KCNQ1: variants seen among roughly 807,000 people sequenced by gnomAD.
The protein encoded by KCNQ1 is potassium voltage-gated channel subfamily Q member 1.
A neutral mutation model predicts 72.4 loss-of-function variants in KCNQ1; 49 were observed. The observed-to-expected ratio is 0.68, with a 90% CI of 0.54 to 0.86. The LOEUF (loss-of-function observed/expected upper bound fraction) is 0.86, where lower values mean the gene tolerates loss of function less well. KCNQ1 is among the 40% of genes least tolerant of loss of function. KCNQ1 has a pLI of 0.00. For synonymous variants in KCNQ1, 450 were observed against 412.6 expected (o/e 1.09, Z -1.10); for missense variants, 790 against 945.1 (o/e 0.84, Z 2.15).
At chr11:2,728,941 G>A (rs549745077) in intron 11 of KCNQ1, among the ~76,000 whole-genome samples, 3 of 152,368 alleles carry the variant, frequency 2.0e-5, no homozygotes, top group Admixed American at 6.5e-5. Flanking sequence ...GGCAGATAGC[G>A]GGGTGATTAA....
chr11:2,643,063 ATACT>A (rs1051714752), intron 10 of KCNQ1: 4 of 397,918 alleles, frequency 1.0e-5, no homozygotes, highest in Non-Finnish European at 1.8e-5. Flanking sequence ...ATTTAAAATC[ATACT>A]TAGTGTCCTA....
intron 8 of KCNQ1, among the ~76,000 whole-genome samples, chr11:2,586,742 C>T (rs1848597603): frequency 6.6e-6 from 1 of 152,112 alleles, no homozygotes; most frequent in Non-Finnish European, 1.5e-5. Context: ...GCAGGTGCCC[C>T]TCGCCAGCTG....
intron 11 of KCNQ1, chr11:2,699,383 C>G (rs1850733538): frequency 5.0e-6 from 2 of 400,472 alleles, no homozygotes; most frequent in East Asian, 3.6e-5. Flanking sequence ...CCGTGCTGAC[C>G]GTGTTCAAAC....
At chr11:2,747,023 A>G (rs1342106430) in intron 11 of KCNQ1, among the ~76,000 whole-genome samples, 3 of 152,220 alleles carry the variant, frequency 2.0e-5, no homozygotes, top group Non-Finnish European at 2.9e-5. Context: ...GAATCCACAC[A>G]TGGCCCTTCT....
rs1848832960 is a variant in KCNQ1, at chr11:2,603,311, G to T, written c.1393+14457G>T. Among the ~76,000 whole-genome samples the T allele has an allele frequency of 6.6e-6, 1 of 152,150 alleles. No individual in the cohort carries two copies. Among genetic ancestry groups the T allele is most frequent in the Non-Finnish European group, 1.5e-5 (1 of 68,026 alleles). ...TTTATTGCTAAAAAATGCTGACCCAGAATGAAGTGAGCACATGTTGTTGGA... is the reference window on the plus strand; with the variant it reads ...TTTATTGCTAAAAAATGCTGACCCATAATGAAGTGAGCACATGTTGTTGGA... On this transcript the variant is annotated intron_variant, in intron 10 of 15. Coordinates refer to ENST00000155840, the MANE Select transcript of KCNQ1 (RefSeq NM_000218.3). This position sits in a 1 kb window ranked among gnomAD's most constrained non-coding sequence, Gnocchi z 4.1.
At chr11:2,555,769 G>A (rs1482730262) in intron 2 of KCNQ1, among the ~76,000 whole-genome samples, 2 of 152,214 alleles carry the variant, frequency 1.3e-5, no homozygotes, top group Non-Finnish European at 2.9e-5. Context: ...GGCCTGGAGT[G>A]CCTCCACTGG....
rs1036236109 is a variant in KCNQ1, at chr11:2,652,276, C to T, written c.1394-9685C>T. ...TTAAACATTCTGAGAACATCTGCAC[C>T]GGTTTCCAAGGCTTCTCCCTCACTA... On this transcript the variant is annotated intron_variant, in intron 10 of 15. Coordinates refer to ENST00000155840, the MANE Select transcript of KCNQ1 (RefSeq NM_000218.3). The surrounding 1 kb of genome is among the most constrained non-coding windows in gnomAD (Gnocchi z 5.9). 7.5e-6 allele frequency: 3 copies of T among 398,508 alleles called. No individual in the cohort carries two copies. The highest frequency in any genetic ancestry group is 7.1e-5 in the East Asian group (2 of 28,088). The allele number at this position is 398,508 out of a possible 1,614,324, so 24.7% of individuals were successfully genotyped here.
rs1363767151 is a variant in KCNQ1, at chr11:2,816,805, C to G, written c.1795-30962C>G. On this transcript the variant is annotated intron_variant, in intron 15 of 15. Transcript: ENST00000155840. This position sits in a 1 kb window ranked among gnomAD's most constrained non-coding sequence, Gnocchi z 6.8. ...CCCTGCTCAGGAGGCCTTCCCTGAG[C>G]CCCTGCCCCCTCCATTTCAGACATC... Among the ~76,000 whole-genome samples, 1 of 152,032 alleles carries G rather than the reference C, an allele frequency of 6.6e-6. No individual in the cohort carries two copies. The highest frequency in any genetic ancestry group is 1.5e-5 in the Non-Finnish European group (1 of 67,966).
Position 2,682,466 on chromosome 11 carries a change from AAT to A in KCNQ1, c.1514+20386_1514+20387del. 2.6e-6 allele frequency: 1 copy of A among 381,052 alleles called. No individual in the cohort carries two copies. The highest frequency in any genetic ancestry group is 3.7e-5 in the East Asian group (1 of 27,132). 23.6% of individuals were successfully genotyped at this position (381,052 alleles called of 1,614,324 possible). A position where few individuals can be genotyped will look rare whatever the true frequency, so the allele number is the denominator to read the frequency against. ...TGGAGCCTGTCACGGACCCTCAGTGAATGTTTGACGAGTGAGTGAGTGAGTGA... is the reference window on the plus strand; with the variant it reads ...TGGAGCCTGTCACGGACCCTCAGTGAGTTTGACGAGTGAGTGAGTGAGTGA... On this transcript the variant is annotated intron_variant, in intron 11 of 15. Transcript: ENST00000155840. This position sits in a 1 kb window ranked among gnomAD's most constrained non-coding sequence, Gnocchi z 5.8.
chr11:2,633,222 A>G (rs1221923073), intron 10 of KCNQ1: 2 of 398,376 alleles, frequency 5.0e-6, no homozygotes, highest in Non-Finnish European at 4.4e-6. Context: ...GCACATTTCT[A>G]AATCAGATAA....
chr11:2,669,920 T>C lies in KCNQ1; in HGVS notation c.1514+7839T>C. On this transcript the variant is annotated intron_variant, in intron 11 of 15. Transcript: ENST00000155840. This position sits in a 1 kb window ranked among gnomAD's most constrained non-coding sequence, Gnocchi z 5.6. ...GCCTAGAGGCCTGAGAGTCCCAAGC[T>C]CCAGGACAGTCTGGAGTCAGGTGGA... 2.5e-6 allele frequency: 1 copy of C among 398,508 alleles called. No individual in the cohort carries two copies. The highest frequency in any genetic ancestry group is 4.4e-6 in the Non-Finnish European group (1 of 226,086). The allele number at this position is 398,508 out of a possible 1,614,324, so 24.7% of individuals were successfully genotyped here.
rs1846525925 is a variant in KCNQ1 at position 2,473,656 on chromosome 11, G to T, written c.386+28172G>T. Among the ~76,000 whole-genome samples the T allele has an allele frequency of 6.6e-6, 1 of 152,210 alleles. No homozygotes were observed. The highest frequency in any genetic ancestry group is 1.9e-4 in the East Asian group (1 of 5,188). On this transcript the variant is annotated intron_variant, in intron 1 of 15. Transcript: ENST00000155840. The surrounding 1 kb of genome is among the most constrained non-coding windows in gnomAD (Gnocchi z 6.0). ...ACTCTGGAGGGACTGGGCCTCAGTT[G>T]GCCTGGCCTGGCGCGGGGCTGCCAG... is the stretch of plus-strand genomic sequence containing the variant.
intron 11 of KCNQ1, among the ~76,000 whole-genome samples, chr11:2,754,466 A>T (rs1310488627): frequency 1.3e-5 from 2 of 152,258 alleles, no homozygotes; most frequent in Non-Finnish European, 2.9e-5. Context: ...TGCCTTCCAG[A>T]TATCAGGATG....
chr11:2,606,158 T>C (rs1848875205), intron 10 of KCNQ1, among the ~76,000 whole-genome samples: 1 of 152,242 alleles, frequency 6.6e-6, no homozygotes, highest in Admixed American at 6.5e-5. Flanking sequence ...GTTTTCTTAA[T>C]TATATTTTCA....
At chr11:2,689,609 G>A (rs1055388085) in intron 11 of KCNQ1, 2 of 398,568 alleles carry the variant, frequency 5.0e-6, no homozygotes, top group African/African-American at 4.1e-5. Context: ...TCAAGGATCC[G>A]GGTATTTTAG....
chr11:2,716,241 C>G (rs1320730302), intron 11 of KCNQ1, among the ~76,000 whole-genome samples: 2 of 152,164 alleles, frequency 1.3e-5, no homozygotes, highest in Non-Finnish European at 2.9e-5. Context: ...TCAAGCGGTC[C>G]TCTCACTAGG....
At position 2,657,769 on chromosome 11, in the gene KCNQ1, A is replaced by C. The variant is rs1337210705; in HGVS notation, c.1394-4192A>C. ...GGCTTCTCAGTCTTGTTCTTCATTA[A>C]CTTGACACTTTTGAAGAATACCAGT... is the stretch of plus-strand genomic sequence containing the variant. On this transcript the variant is annotated intron_variant, in intron 10 of 15. Transcript: ENST00000155840. This position sits in a 1 kb window ranked among gnomAD's most constrained non-coding sequence, Gnocchi z 4.8. 1 of 398,442 alleles carries C rather than the reference A, an allele frequency of 2.5e-6. No individual in the cohort carries two copies. Among genetic ancestry groups the C allele is most frequent in the Non-Finnish European group, 4.4e-6 (1 of 226,064 alleles). The allele number at this position is 398,442 out of a possible 1,614,324, so 24.7% of individuals were successfully genotyped here. A position where few individuals can be genotyped will look rare whatever the true frequency, so the allele number is the denominator to read the frequency against.
In KCNQ1 at chr11:2,626,027, CA is replaced by C. The variant is rs1849255933; in HGVS notation, c.1394-35932del. ...TTAGTTGATATTATTTTAATGCACACAATGTAAATTTTTAAAATTTATCTAG... is the reference window on the plus strand; with the variant it reads ...TTAGTTGATATTATTTTAATGCACACATGTAAATTTTTAAAATTTATCTAG... On this transcript the variant is annotated intron_variant, in intron 10 of 15. Coordinates refer to ENST00000155840, the MANE Select transcript of KCNQ1 (RefSeq NM_000218.3). The surrounding 1 kb of genome is among the most constrained non-coding windows in gnomAD (Gnocchi z 4.0). 1 of 398,466 alleles carries C rather than the reference CA, an allele frequency of 2.5e-6. No individual in the cohort carries two copies. The highest frequency in any genetic ancestry group is 2.1e-5 in the African/African-American group (1 of 48,628). 24.7% of individuals were successfully genotyped at this position (398,466 alleles called of 1,614,324 possible). A position where few individuals can be genotyped will look rare whatever the true frequency, so the allele number is the denominator to read the frequency against.
rs1274116743 is a variant in KCNQ1, at chr11:2,645,565, A to G, written c.1394-16396A>G. 5.0e-6 allele frequency: 2 copies of G among 398,630 alleles called. No homozygotes were observed. Among genetic ancestry groups the G allele is most frequent in the Non-Finnish European group, 8.8e-6 (2 of 226,152 alleles). The allele number at this position is 398,630 out of a possible 1,614,324, so 24.7% of individuals were successfully genotyped here. Reference sequence around the variant, plus strand: ...GGGATTGCTTTCAGTGGCAGCAGCTATAAACAGGCAGTTGGGCAATGCATG... The same window carrying G: ...GGGATTGCTTTCAGTGGCAGCAGCTGTAAACAGGCAGTTGGGCAATGCATG... On this transcript the variant is annotated intron_variant, in intron 10 of 15. Transcript: ENST00000155840. This position sits in a 1 kb window ranked among gnomAD's most constrained non-coding sequence, Gnocchi z 5.8.
Sources: allele counts gnomAD v4.1 joint callset (sites outside exome capture counted in the v4.1 genomes callset), GRCh38; gene constraint gnomAD v4.1.1; non-coding constraint Gnocchi (gnomAD v3.1); transcripts MANE v1.5; gene names NCBI Gene and HGNC (gene_info 2026-07-23, HGNC 2026-07-21).